CAMK4: variants seen among roughly 807,000 people sequenced by gnomAD.
The protein encoded by CAMK4 is calcium/calmodulin-dependent protein kinase type IV.
CAMK4 carries 22 observed loss-of-function variants against 44.9 expected under a neutral mutation model. The observed-to-expected ratio is 0.49, with a 90% confidence interval of 0.35 to 0.70. CAMK4 has a LOEUF of 0.70. CAMK4 is among the 30% of genes least tolerant of loss of function. CAMK4 has a pLI of 0.01. For missense variants in CAMK4, 498 were observed against 586.8 expected, an observed-to-expected ratio of 0.85 and a Z score of 1.56; for synonymous variants, 218 against 215.4, an observed-to-expected ratio of 1.01 and a Z score of -0.11.
intron 1 of CAMK4, among the ~76,000 whole-genome samples, chr5:111,315,385 A>G (rs1748376429): frequency 6.6e-6 from 1 of 152,172 alleles, no homozygotes; most frequent in Non-Finnish European, 1.5e-5. Context: ...TAGGTGGTGC[A>G]CAGAACATAG....
At chr5:111,358,767 T>C (rs1750479529) in intron 2 of CAMK4, among the ~76,000 whole-genome samples, 1 of 152,034 alleles carries the variant, frequency 6.6e-6, no homozygotes, top group South Asian at 2.1e-4. Flanking sequence ...GTGTTGTTTG[T>C]GTCCATATGT....
intron 1 of CAMK4, among the ~76,000 whole-genome samples, chr5:111,244,067 G>T (rs1218396122): frequency 6.6e-6 from 1 of 152,038 alleles, no homozygotes; most frequent in South Asian, 2.1e-4. Flanking sequence ...CCAGAACCTT[G>T]GTCTTCTGCA....
intron 7 of CAMK4, among the ~76,000 whole-genome samples, chr5:111,450,735 G>A (rs1754201786): frequency 6.6e-6 from 1 of 150,862 alleles, no homozygotes; most frequent in Non-Finnish European, 1.5e-5. Flanking sequence ...TTACAGTGAA[G>A]CAAGATTGCA....
intron 2 of CAMK4, 68 bp downstream of exon 2, chr5:111,344,170 T>C (rs1749767476): frequency 2.1e-6 from 2 of 972,434 alleles, no homozygotes; most frequent in Admixed American, 1.9e-5. Context: ...GGAACCTGAT[T>C]TGAAGAACAA....
chr5:111,267,019 C>G (rs1580504421), intron 1 of CAMK4, among the ~76,000 whole-genome samples: 1 of 152,146 alleles, frequency 6.6e-6, no homozygotes, highest in African/African-American at 2.4e-5. Flanking sequence ...CTCTTCTCTT[C>G]TAATTCTGCC....
intron 5 of CAMK4, among the ~76,000 whole-genome samples, chr5:111,423,078 T>G (rs1441156226): frequency 6.6e-6 from 1 of 152,216 alleles, no homozygotes; most frequent in Non-Finnish European, 1.5e-5. Flanking sequence ...AAAATCTTGT[T>G]TAGGATCCTA....
At chr5:111,316,450 T>G (rs114650248) in intron 1 of CAMK4, among the ~76,000 whole-genome samples, 1,627 of 152,226 alleles carry the variant, frequency 0.011, 34 homozygotes, top group African/African-American at 0.036. Context: ...TTTCTTCTTC[T>G]AAGATGAGAA....
chr5:111,269,636 C>T (rs1344598190), intron 1 of CAMK4, among the ~76,000 whole-genome samples: 1 of 152,138 alleles, frequency 6.6e-6, no homozygotes, highest in Non-Finnish European at 1.5e-5. Flanking sequence ...CCTGCATACT[C>T]AGCTTATTTT....
chr5:111,276,530 T>A (rs1459310557), intron 1 of CAMK4, among the ~76,000 whole-genome samples: 2 of 152,222 alleles, frequency 1.3e-5, no homozygotes, highest in Non-Finnish European at 2.9e-5. Flanking sequence ...GAGTTCAAGT[T>A]CAGCCTGAGC....
chr5:111,429,209 T>C (rs1753341153), intron 5 of CAMK4, among the ~76,000 whole-genome samples: 1 of 152,082 alleles, frequency 6.6e-6, no homozygotes, highest in Admixed American at 6.6e-5. Flanking sequence ...CGTTTGTTTC[T>C]TTGAAAAAAT....
At chr5:111,240,624 AG>A (rs1172077528) in intron 1 of CAMK4, among the ~76,000 whole-genome samples, 3 of 152,214 alleles carry the variant, frequency 2.0e-5, no homozygotes, top group Non-Finnish European at 4.4e-5. Flanking sequence ...CTCATAACTA[AG>A]GAAAAAAGTG....
intron 1 of CAMK4, among the ~76,000 whole-genome samples, chr5:111,248,104 C>G (rs1158234633): frequency 6.6e-6 from 1 of 152,080 alleles, no homozygotes; most frequent in Non-Finnish European, 1.5e-5. Context: ...TTCTATTTTA[C>G]TTGTTTGTAT....
chr5:111,403,775 G>A (rs1338345145), intron 5 of CAMK4, among the ~76,000 whole-genome samples: 1 of 152,080 alleles, frequency 6.6e-6, no homozygotes, highest in Admixed American at 6.6e-5. Flanking sequence ...CAAGGGAGGG[G>A]ATTTCCTTCT....
At chr5:111,443,243 CATATATATATATAT>C (rs1232548245) in intron 5 of CAMK4, among the ~76,000 whole-genome samples, 63 of 72,212 alleles carry the variant, frequency 8.7e-4, no homozygotes, top group African/African-American at 3.0e-3. Flanking sequence ...CTCCCCCTAC[CATATATATATATAT>C]ATATATATAT....
chr5:111,297,359 C>G (rs1467305311), intron 1 of CAMK4, among the ~76,000 whole-genome samples: 2 of 152,156 alleles, frequency 1.3e-5, no homozygotes, highest in Non-Finnish European at 2.9e-5. Flanking sequence ...TGTGGTATTA[C>G]AAAGTTAGGC....
intron 5 of CAMK4, among the ~76,000 whole-genome samples, chr5:111,424,309 G>C: frequency 6.6e-6 from 1 of 152,130 alleles, no homozygotes; most frequent in East Asian, 1.9e-4. Flanking sequence ...CACTTGTTTT[G>C]ACTCTTGAAC....
intron 1 of CAMK4, among the ~76,000 whole-genome samples, chr5:111,318,947 TCTCTC>T (rs956878932): frequency 1.3e-5 from 2 of 152,202 alleles, no homozygotes; most frequent in Non-Finnish European, 2.9e-5. Flanking sequence ...ACAATATTCT[TCTCTC>T]CTCTCTTCCT....
intron 5 of CAMK4, chr5:111,416,693 A>C (rs1414547160): frequency 1.3e-5 from 2 of 152,218 alleles, no homozygotes; most frequent in African/African-American, 4.8e-5. Flanking sequence ...TATTTCCAAT[A>C]ATGTGAGACA....
Position 111,490,687 on chromosome 5 carries a change from C to G in CAMK4, c.*6221C>G, listed in dbSNP as rs1755788195. The G allele has an allele frequency of 6.6e-6, 1 of 152,150 alleles. No individual in the cohort carries two copies. The highest frequency in any genetic ancestry group is 2.1e-4 in the South Asian group (1 of 4,832). The allele number at this position is 152,150 out of a possible 1,614,324, so 9.4% of individuals were successfully genotyped here. On this transcript the variant is annotated 3_prime_UTR_variant, in exon 11 of 11. Transcript: ENST00000282356. ...TGACCTATTTTATATACCTACAATA[C>G]AGTTAATATGCAGCAGCGTAGAGAA...
Sources: allele counts gnomAD v4.1 joint callset (sites outside exome capture counted in the v4.1 genomes callset), GRCh38; gene constraint gnomAD v4.1.1; transcripts MANE v1.5; gene names NCBI Gene and HGNC (gene_info 2026-07-23, HGNC 2026-07-21).